The following TMEM232 variants were observed in gnomAD, a reference collection of about 807,000 sequenced individuals.
TMEM232 encodes the protein transmembrane protein 232.
A neutral mutation model predicts 78.8 loss-of-function variants in TMEM232; 80 were observed. The ratio of observed to expected loss-of-function variants is 1.01; its 90% CI spans 0.85 to 1.22. The LOEUF (loss-of-function observed/expected upper bound fraction) is 1.22. Among genes scored for constraint, TMEM232 ranks in the 50% most tolerant of loss-of-function variants. The probability of loss-of-function intolerance (pLI) is 0.00; values close to 1 mark genes in which losing one functional copy is unlikely to be tolerated. For missense variants in TMEM232, 881 were observed against 742.2 expected, an observed-to-expected ratio of 1.19 and a Z score of -2.17; for synonymous variants, 297 against 254.3, an observed-to-expected ratio of 1.17 and a Z score of -1.60.
At chr5:110,738,952 G>A (rs1006234534), upstream of TMEM232, 3 of 1,440,106 alleles carry the variant, frequency 2.1e-6, no homozygotes, top group Non-Finnish European at 2.7e-6. Context: ...GCCGGAAGAG[G>A]CTATAATCAC....
intron 5 of TMEM232, among the ~76,000 whole-genome samples, chr5:110,637,620 T>C (rs928797384): frequency 2.0e-5 from 3 of 151,952 alleles, no homozygotes; most frequent in Admixed American, 1.3e-4. Flanking sequence ...CTTTTAGCCT[T>C]TCTTTTCTTT....
intron 12 of TMEM232, among the ~76,000 whole-genome samples, chr5:110,507,625 A>G (rs978639794): frequency 2.6e-5 from 4 of 152,146 alleles, no homozygotes; most frequent in Non-Finnish European, 5.9e-5. Flanking sequence ...GCTGACTGTT[A>G]ACAGGCTTGA....
chr5:110,434,043 A>G (rs2112702785), intron 12 of TMEM232, among the ~76,000 whole-genome samples: 1 of 149,770 alleles, frequency 6.7e-6, no homozygotes, highest in Admixed American at 6.7e-5. Context: ...GGAAAAGTTT[A>G]AAAAGAAACT....
intron 12 of TMEM232, among the ~76,000 whole-genome samples, chr5:110,475,022 T>G (rs1763094359): frequency 6.6e-6 from 1 of 151,984 alleles, no homozygotes; most frequent in Admixed American, 6.6e-5. Context: ...AATATTTGTG[T>G]AAAAATTCAA....
chr5:110,559,496 A>C (rs1377053071), intron 11 of TMEM232, among the ~76,000 whole-genome samples: 2 of 152,142 alleles, frequency 1.3e-5, no homozygotes, highest in African/African-American at 4.8e-5. Context: ...AAAAAATTCC[A>C]ATTAAAAATG....
Position 110,472,961 on chromosome 5 carries a change from A to G in TMEM232, c.1704-48045T>C, listed in dbSNP as rs556570023. ...GAGTTAAATGTAAGACCTCGAAACT[A>G]TGAAAAAACCAGAATAAAACATAGA... On this transcript the variant is annotated intron_variant, in intron 12 of 13. Transcript: ENST00000455884. 1.2e-4 allele frequency among the ~76,000 whole-genome samples: 19 copies of G among 152,014 alleles called. No homozygotes were observed. The East Asian group carries it at 2.9e-3, about 23-fold the overall frequency.
intron 11 of TMEM232, among the ~76,000 whole-genome samples, chr5:110,532,442 C>T: frequency 6.6e-6 from 1 of 151,874 alleles, no homozygotes; most frequent in East Asian, 1.9e-4. Context: ...TCCACATTAC[C>T]TTCTTTTCAA....
At chr5:110,437,227 T>C (rs1036134339) in intron 12 of TMEM232, among the ~76,000 whole-genome samples, 1 of 152,028 alleles carries the variant, frequency 6.6e-6, no homozygotes, top group African/African-American at 2.4e-5. Flanking sequence ...GATTGCTTTA[T>C]TGATATATTT....
chr5:110,496,465 A>G (rs1258442039), intron 12 of TMEM232, among the ~76,000 whole-genome samples: 3 of 151,984 alleles, frequency 2.0e-5, no homozygotes, highest in Non-Finnish European at 4.4e-5. Context: ...TTGTTTTAGG[A>G]TGCCATCGTG....
intron 12 of TMEM232, among the ~76,000 whole-genome samples, chr5:110,466,193 G>T (rs1762055859): frequency 6.6e-6 from 1 of 152,102 alleles, no homozygotes; most frequent in African/African-American, 2.4e-5. Flanking sequence ...TAAGGCAAAA[G>T]AAAGTGATAT....
At chr5:110,465,283 T>C (rs1405343650) in intron 12 of TMEM232, among the ~76,000 whole-genome samples, 1 of 152,226 alleles carries the variant, frequency 6.6e-6, no homozygotes, top group African/African-American at 2.4e-5. Context: ...TTTCTGTTTG[T>C]CACTGGGAAG....
intron 12 of TMEM232, among the ~76,000 whole-genome samples, chr5:110,520,689 G>T (rs988619666): frequency 6.6e-6 from 1 of 152,166 alleles, no homozygotes; most frequent in Non-Finnish European, 1.5e-5. Flanking sequence ...GGAGGCCGAG[G>T]CGGGTGGATC....
upstream of TMEM232, among the ~76,000 whole-genome samples, chr5:110,730,322 A>T (rs147298772): frequency 2.0e-5 from 3 of 152,350 alleles, no homozygotes; most frequent in African/African-American, 7.2e-5. Flanking sequence ...AAAAATATTT[A>T]TCAGTTTGAA....
chr5:110,677,313 G>A (rs539876453), intron 1 of TMEM232, among the ~76,000 whole-genome samples: 9 of 151,622 alleles, frequency 5.9e-5, no homozygotes, highest in African/African-American at 1.9e-4. Context: ...GATGTGTGGT[G>A]TGCAAATATT....
intron 1 of TMEM232, among the ~76,000 whole-genome samples, chr5:110,675,712 C>A (rs11957413): frequency 0.032 from 4,837 of 152,244 alleles, 210 homozygotes; most frequent in African/African-American, 0.099. Context: ...TTCATATATG[C>A]ATACATTGTG....
chr5:110,625,051 T>C (rs1409960369), intron 7 of TMEM232, among the ~76,000 whole-genome samples: 1 of 151,826 alleles, frequency 6.6e-6, no homozygotes, highest in East Asian at 1.9e-4. Context: ...AGTAGTAGAG[T>C]TATATATTGA....
At position 110,628,367 on chromosome 5, in the gene TMEM232, A is replaced by G. The variant is rs115667934; in HGVS notation, c.502-487T>C. ...CAGTTTGAGAACCATTGCATTAGATAGTGTTGAGAACTATCCTACTTCTGC... is the reference window on the plus strand; with the variant it reads ...CAGTTTGAGAACCATTGCATTAGATGGTGTTGAGAACTATCCTACTTCTGC... On this transcript the variant is annotated intron_variant, in intron 5 of 13. Transcript: ENST00000455884. Among the ~76,000 whole-genome samples the G allele has an allele frequency of 4.4e-3, 676 of 152,254 alleles. 2 individuals are homozygous for G. Among genetic ancestry groups the G allele is most frequent in the Middle Eastern group, 0.014 (4 of 294 alleles).
intron 7 of TMEM232, among the ~76,000 whole-genome samples, chr5:110,622,352 T>C (rs1783851985): frequency 6.6e-6 from 1 of 152,200 alleles, no homozygotes. Flanking sequence ...TGAAACTATT[T>C]AATAAAAGGT....
In TMEM232 at chr5:110,565,667, C is replaced by T. The variant is rs6875723; in HGVS notation, c.1455+2780G>A. ...GTTCCCAAGTGTTTAGCTACTCTCA[C>T]CTACTGCTTTGGTATGACAAACTTG... On this transcript the variant is annotated intron_variant, in intron 11 of 13. Coordinates refer to ENST00000455884, the MANE Select transcript of TMEM232 (RefSeq NM_001039763.4). Among the ~76,000 whole-genome samples the T allele has an allele frequency of 5.7e-3, 870 of 152,100 alleles. 7 individuals are homozygous for T. The highest frequency in any genetic ancestry group is 0.031 in the South Asian group (148 of 4,824).
Sources: allele counts gnomAD v4.1 joint callset (sites outside exome capture counted in the v4.1 genomes callset), GRCh38; gene constraint gnomAD v4.1.1; transcripts MANE v1.5; gene names NCBI Gene and HGNC (gene_info 2026-07-23, HGNC 2026-07-21).